The following RNLS variants were observed in gnomAD, a reference collection of about 807,000 sequenced individuals.
RNLS encodes renalase.
A neutral mutation model predicts 39.8 loss-of-function variants in RNLS; 39 were observed. That is an observed-to-expected ratio of 0.98 (90% CI 0.76 to 1.28). The LOEUF (loss-of-function observed/expected upper bound fraction) is 1.28. RNLS is among the 50% of genes most tolerant of loss of function. RNLS has a pLI of 0.00. For missense variants in RNLS, 410 were observed against 413.3 expected, an observed-to-expected ratio of 0.99 and a Z score of 0.07; for synonymous variants, 147 against 150.7, an observed-to-expected ratio of 0.98 and a Z score of 0.18.
chr10:88,178,359 C>A, the RNLS span, among the ~76,000 whole-genome samples: 1 of 152,140 alleles, frequency 6.6e-6, no homozygotes, highest in African/African-American at 2.4e-5. Context: ...GTGAGGGCGA[C>A]CAAGTGTGAA....
chr10:88,201,524 C>T, the RNLS span, among the ~76,000 whole-genome samples: 21 of 152,232 alleles, frequency 1.4e-4, no homozygotes, highest in East Asian at 4.0e-3. Flanking sequence ...GATAAATTGT[C>T]ATGGTGGGGG....
At chr10:88,478,887 TTCTTTCTCTTTCTTTCTTTCTC>T (rs1843980654) in intron 4 of RNLS, among the ~76,000 whole-genome samples, 1 of 151,948 alleles carries the variant, frequency 6.6e-6, no homozygotes, top group African/African-American at 2.4e-5. Flanking sequence ...CTTTCTTTCT[TTCTTTCTCTTTCTTTCTTTCTC>T]TCTCTCTCTC....
rs1462468226 is a variant in RNLS at position 88,483,448 on chromosome 10, T to A, written c.526+89455A>T. 2.0e-5 allele frequency among the ~76,000 whole-genome samples: 3 copies of A among 152,264 alleles called. No individual in the cohort carries two copies. The East Asian group carries it at 5.8e-4, about 29-fold the overall frequency. On this transcript the variant is annotated intron_variant, in intron 4 of 6. Coordinates refer to ENST00000331772, the MANE Select transcript of RNLS (RefSeq NM_001031709.3). ...TTTTATTTCCTTTTCCTAAGCCCGA[T>A]AAATTTCCTAAAATCCGCTTGGCAA...
intron 3 of RNLS, among the ~76,000 whole-genome samples, chr10:88,575,397 G>C (rs1014980898): frequency 6.6e-6 from 1 of 151,318 alleles, no homozygotes; most frequent in Non-Finnish European, 1.5e-5. Context: ...AAGAAACTCT[G>C]GGAATTGAGC....
chr10:88,549,183 A>G, intron 4 of RNLS, among the ~76,000 whole-genome samples: 1 of 152,186 alleles, frequency 6.6e-6, no homozygotes, highest in Non-Finnish European at 1.5e-5. Flanking sequence ...TTGCCAATAC[A>G]TGTAAAAATA....
the RNLS span, among the ~76,000 whole-genome samples, chr10:88,174,678 T>C: frequency 1.3e-5 from 2 of 152,222 alleles, no homozygotes; most frequent in Admixed American, 6.5e-5. Flanking sequence ...TGTTGACGAT[T>C]TTTTGCAGCT....
intron 4 of RNLS, among the ~76,000 whole-genome samples, chr10:88,498,354 C>A (rs1254496897): frequency 6.6e-6 from 1 of 151,446 alleles, no homozygotes; most frequent in Non-Finnish European, 1.5e-5. Context: ...TTAAAACTTT[C>A]TGGTATTCTT....
chr10:88,477,989 T>C (rs1843917923), intron 4 of RNLS, among the ~76,000 whole-genome samples: 1 of 152,218 alleles, frequency 6.6e-6, no homozygotes. Context: ...CCAGTGCCTA[T>C]TTCAGATAGA....
At chr10:88,372,968 C>A (rs1013125286) in intron 4 of RNLS, among the ~76,000 whole-genome samples, 1 of 151,990 alleles carries the variant, frequency 6.6e-6, no homozygotes, top group Admixed American at 6.6e-5. Flanking sequence ...TGGGCAAGAA[C>A]ATGAAAATAA....
the RNLS span, among the ~76,000 whole-genome samples, chr10:88,267,654 T>C: frequency 6.6e-6 from 1 of 152,172 alleles, no homozygotes; most frequent in African/African-American, 2.4e-5. Flanking sequence ...CAATACATAC[T>C]TTAAGTCTAA....
intron 4 of RNLS, among the ~76,000 whole-genome samples, chr10:88,449,010 G>A (rs1218915406): frequency 6.6e-6 from 1 of 152,198 alleles, no homozygotes; most frequent in Non-Finnish European, 1.5e-5. Context: ...GCAGTGCGGG[G>A]AGGGAGAAGG....
the RNLS span, among the ~76,000 whole-genome samples, chr10:88,190,986 C>G: frequency 6.6e-6 from 1 of 152,214 alleles, no homozygotes; most frequent in African/African-American, 2.4e-5. Flanking sequence ...CTCTGCCTGG[C>G]TCAACTCAGG....
At chr10:88,559,662 C>CTCCATTCATTCATTCAT (rs1849063359) in intron 4 of RNLS, among the ~76,000 whole-genome samples, 1 of 151,070 alleles carries the variant, frequency 6.6e-6, no homozygotes, top group Non-Finnish European at 1.5e-5. Flanking sequence ...GATTGTTTCA[C>CTCCATTCATTCATTCAT]TCATTCATTC....
intron 4 of RNLS, among the ~76,000 whole-genome samples, chr10:88,506,846 C>T (rs1845823768): frequency 6.6e-6 from 1 of 152,098 alleles, no homozygotes; most frequent in Non-Finnish European, 1.5e-5. Context: ...CTAAAGCATT[C>T]TGAAGCAACT....
At chr10:88,421,866 ACTC>A (rs1040388983) in intron 4 of RNLS, among the ~76,000 whole-genome samples, 91 of 150,492 alleles carry the variant, frequency 6.0e-4, no homozygotes, top group Middle Eastern at 3.4e-3. Context: ...TTTATCTTTG[ACTC>A]CTCCTCCTCC....
intron 5 of RNLS, among the ~76,000 whole-genome samples, chr10:88,352,596 G>C (rs1028360576): frequency 2.6e-5 from 4 of 152,154 alleles, no homozygotes; most frequent in African/African-American, 9.7e-5. Context: ...GCTGGATTTG[G>C]TTTGCCAGTA....
chr10:88,199,314 G>T, the RNLS span, among the ~76,000 whole-genome samples: 1 of 152,056 alleles, frequency 6.6e-6, no homozygotes, highest in South Asian at 2.1e-4. Context: ...TGGCCTGGGG[G>T]GTCCTGTGTA....
intron 5 of RNLS, among the ~76,000 whole-genome samples, chr10:88,359,364 A>C (rs770313829): frequency 5.9e-5 from 9 of 152,156 alleles, no homozygotes; most frequent in Non-Finnish European, 1.2e-4. Flanking sequence ...TATCAATATC[A>C]ATAAAATAGA....
At chr10:88,458,357 C>T (rs923881429) in intron 4 of RNLS, among the ~76,000 whole-genome samples, 2 of 152,176 alleles carry the variant, frequency 1.3e-5, no homozygotes, top group African/African-American at 2.4e-5. Context: ...AGGACCCTCA[C>T]GCACAGTTCC....
Sources: gnomAD v4.1 joint callset for allele counts (sites outside exome capture counted in the v4.1 genomes callset) on GRCh38, gnomAD v4.1.1 for gene constraint, MANE v1.5 for transcripts, NCBI Gene and HGNC (gene_info 2026-07-23, HGNC 2026-07-21) for gene names.